Variants in ANKRD45 observed in about 807,000 individuals in gnomAD.
ANKRD45 encodes the protein ankyrin repeat domain 45, also known as ankyrin repeat domain-containing protein 45.
In ANKRD45, 21 loss-of-function variants were observed where a neutral mutation model predicts 28.1. The observed-to-expected ratio is 0.75, with a 90% CI of 0.53 to 1.08. The LOEUF (loss-of-function observed/expected upper bound fraction) is 1.08. Among genes scored for constraint, ANKRD45 ranks in the 50% least tolerant of loss-of-function variants. The probability of loss-of-function intolerance (pLI) is 0.00; values close to 1 mark genes in which losing one functional copy is unlikely to be tolerated. For missense variants in ANKRD45, 261 were observed against 308.7 expected (o/e 0.85, Z 1.16); for synonymous variants, 86 against 103.9 (o/e 0.83, Z 1.05).
At chr1:173,677,820 TTAATAA>T in the ANKRD45 span, among the ~76,000 whole-genome samples, 1 of 152,234 alleles carries the variant, frequency 6.6e-6, no homozygotes, top group Non-Finnish European at 1.5e-5. Flanking sequence ...AAAGTAAAAC[TTAATAA>T]TAATGGCATA....
chr1:173,689,026 G>A, the ANKRD45 span, among the ~76,000 whole-genome samples: 2 of 152,012 alleles, frequency 1.3e-5, no homozygotes, highest in East Asian at 3.9e-4. Context: ...TCATGTTTAG[G>A]GCCCACCTCC....
intron 5 of ANKRD45, among the ~76,000 whole-genome samples, chr1:173,610,623 G>A (rs951871471): frequency 6.6e-6 from 1 of 152,000 alleles, no homozygotes; most frequent in East Asian, 1.9e-4. Flanking sequence ...ATCTTCACAG[G>A]TGAGAAGGGA....
At chr1:173,635,505 T>C in intron 3 of ANKRD45, 1 of 1,480,210 alleles carries the variant, frequency 6.8e-7, no homozygotes, top group South Asian at 1.3e-5. Context: ...TACTTTTTTT[T>C]CAATTGACAA....
chr1:173,659,298 G>A lies in ANKRD45; in HGVS notation c.121C>T (p.Gln41Ter). The change falls in exon 2 of 6, where the codon CAA (glutamine) becomes TAA (stop). Residue 41 changes from glutamine to a stop codon, truncating the protein, a stop_gained. Coordinates refer to ENST00000333279, the MANE Select transcript of ANKRD45 (RefSeq NM_198493.3). LOFTEE classifies it high-confidence loss of function. ...TCTACATCCCCTGTGAGAGCAGGTT[G>A]TAAAAGGGGGTTCTTAGGGCCTGTT... is the stretch of plus-strand genomic sequence containing the variant. ...EETGPKNPLL[Q>*]PALTGDVEGL... 1 of 1,613,880 alleles carries A rather than the reference G, an allele frequency of 6.2e-7. No individual in the cohort carries two copies. Among genetic ancestry groups the A allele is most frequent in the Non-Finnish European group, 8.5e-7 (1 of 1,179,920 alleles).
chr1:173,613,123 C>T (rs532738538), intron 5 of ANKRD45, among the ~76,000 whole-genome samples: 19 of 151,948 alleles, frequency 1.3e-4, no homozygotes, highest in Admixed American at 5.9e-4. Context: ...TCTTCCCGGC[C>T]GCCATCCTGT....
chr1:173,646,693 G>GA (rs1238889460), intron 3 of ANKRD45, among the ~76,000 whole-genome samples, 153 bp downstream of exon 3: 3 of 152,162 alleles, frequency 2.0e-5, no homozygotes, highest in African/African-American at 7.2e-5. Context: ...GCAAAACAAA[G>GA]AAAGAGGGGG....
the ANKRD45 span, among the ~76,000 whole-genome samples, chr1:173,691,321 G>A: frequency 6.4e-4 from 98 of 152,292 alleles, 2 homozygotes; most frequent in African/African-American, 2.3e-3. Context: ...CCCTGAGGCC[G>A]CCAGAAGGGG....
the ANKRD45 span, among the ~76,000 whole-genome samples, chr1:173,695,493 T>G: frequency 6.6e-6 from 1 of 152,170 alleles, no homozygotes. Flanking sequence ...CTTAGGATAT[T>G]GGCTTGGACC....
At chr1:173,651,711 T>C (rs538690564) in intron 2 of ANKRD45, among the ~76,000 whole-genome samples, 1 of 152,348 alleles carries the variant, frequency 6.6e-6, no homozygotes, top group Admixed American at 6.5e-5. Flanking sequence ...ACGATATTGA[T>C]TCTTCCTATC....
intron 2 of ANKRD45, chr1:173,658,631 G>C (rs1669650713): frequency 6.6e-6 from 1 of 151,922 alleles, no homozygotes; most frequent in African/African-American, 2.4e-5. Flanking sequence ...AATAATTACT[G>C]AATTTAAAAA....
At chr1:173,712,310 C>T in the ANKRD45 span, among the ~76,000 whole-genome samples, 1 of 152,212 alleles carries the variant, frequency 6.6e-6, no homozygotes, top group South Asian at 2.1e-4. Context: ...CAACACAGCA[C>T]TGTAGCTGAA....
chr1:173,657,292 C>G (rs542417841), intron 2 of ANKRD45: 7 of 311,070 alleles, frequency 2.3e-5, no homozygotes, highest in Admixed American at 1.4e-4. Flanking sequence ...CGTGGCAAAA[C>G]CCCCTCTCCA....
chr1:173,713,730 C>T, the ANKRD45 span, among the ~76,000 whole-genome samples: 1 of 152,010 alleles, frequency 6.6e-6, no homozygotes, highest in African/African-American at 2.4e-5. Flanking sequence ...TCTCCCATAC[C>T]CCTATGACTG....
the ANKRD45 span, among the ~76,000 whole-genome samples, chr1:173,693,435 C>T: frequency 6.6e-6 from 1 of 152,204 alleles, no homozygotes; most frequent in Non-Finnish European, 1.5e-5. Context: ...TGGTTATAGA[C>T]ATGGATAAAT....
At chr1:173,671,488 T>G (rs552236017), upstream of ANKRD45, among the ~76,000 whole-genome samples, 2 of 152,020 alleles carry the variant, frequency 1.3e-5, no homozygotes, top group Non-Finnish European at 2.9e-5. Flanking sequence ...CTCTCCCAAG[T>G]GCTAGCAGGC....
At chr1:173,625,002 C>G (rs191123919) in intron 4 of ANKRD45, 77 bp from the exon 5 acceptor site, 12 of 1,438,968 alleles carry the variant, frequency 8.3e-6, no homozygotes, top group African/African-American at 1.4e-5. Context: ...TAAACCAGCA[C>G]GTCCAACTGA....
intron 2 of ANKRD45, among the ~76,000 whole-genome samples, chr1:173,656,726 C>G (rs570055369): frequency 6.6e-6 from 1 of 152,216 alleles, no homozygotes; most frequent in South Asian, 2.1e-4. Context: ...ACTGCTCTTG[C>G]TGGAACCTCT....
intron 2 of ANKRD45, among the ~76,000 whole-genome samples, chr1:173,653,158 C>T (rs897181378): frequency 2.0e-5 from 3 of 152,218 alleles, no homozygotes; most frequent in East Asian, 3.9e-4. Flanking sequence ...TATGTTTGCT[C>T]TTGCTTCTCT....
At chr1:173,704,719 C>G in the ANKRD45 span, among the ~76,000 whole-genome samples, 1 of 152,180 alleles carries the variant, frequency 6.6e-6, no homozygotes, top group Non-Finnish European at 1.5e-5. Context: ...GGTCCAATAC[C>G]AAAATCCCAT....
Sources: allele counts gnomAD v4.1 joint callset (sites outside exome capture counted in the v4.1 genomes callset), GRCh38; gene constraint gnomAD v4.1.1; transcripts MANE v1.5; gene names NCBI Gene and HGNC (gene_info 2026-07-23, HGNC 2026-07-21).